TMTC1: variants seen among roughly 807,000 people sequenced by gnomAD.
TMTC1 encodes protein O-mannosyl-transferase TMTC1.
A neutral mutation model predicts 104.8 loss-of-function variants in TMTC1; 73 were observed. The ratio of observed to expected loss-of-function variants is 0.70; its 90% CI spans 0.58 to 0.85. The LOEUF is 0.85. Among genes scored for constraint, TMTC1 ranks in the 40% least tolerant of loss-of-function variants. TMTC1 has a pLI of 0.00. For missense variants in TMTC1, 1,035 were observed against 1,096.1 expected (o/e 0.94, Z 0.79); for synonymous variants, 434 against 428.7 (o/e 1.01, Z -0.15).
At chr12:29,710,731 A>G (rs1264157312) in intron 5 of TMTC1, among the ~76,000 whole-genome samples, 1 of 137,182 alleles carries the variant, frequency 7.3e-6, no homozygotes, top group Non-Finnish European at 1.5e-5. Context: ...ATATATTATT[A>G]AACGTATTTA....
intron 9 of TMTC1, among the ~76,000 whole-genome samples, chr12:29,564,659 G>A (rs1381857484): frequency 1.3e-5 from 2 of 152,102 alleles, no homozygotes; most frequent in African/African-American, 2.4e-5. Context: ...ATGTAGTTGA[G>A]TAATGAGAGA....
At chr12:29,718,279 G>A (rs1243052777) in intron 5 of TMTC1, among the ~76,000 whole-genome samples, 3 of 152,208 alleles carry the variant, frequency 2.0e-5, no homozygotes, top group African/African-American at 7.2e-5. Flanking sequence ...TCATCTGAGG[G>A]GAAGGGACAG....
rs572193174 is a variant in TMTC1, at chr12:29,751,583, T to C, written c.938+83A>G. 3.7e-5 allele frequency: 55 copies of C among 1,467,874 alleles called. No individual in the cohort carries two copies. The African/African-American group carries it at 6.8e-4, about 18-fold the overall frequency. 90.9% of individuals were successfully genotyped at this position (1,467,874 alleles called of 1,614,324 possible). The stretch of plus-strand genomic sequence containing the variant: ...AGGTCACAGTGTGCTGACTCAGTGC[T>C]TCACTTCCCCAGGCATCCCAGGCTG... On this transcript the variant is annotated intron_variant, in intron 5 of 17. Transcript: ENST00000539277.
intron 2 of TMTC1, among the ~76,000 whole-genome samples, chr12:29,762,815 G>A (rs977654692): frequency 6.6e-6 from 1 of 152,212 alleles, no homozygotes; most frequent in Non-Finnish European, 1.5e-5. Context: ...CAATGTCAAG[G>A]TTCAGCTCAG....
In TMTC1 at chr12:29,572,175, T is replaced by G; in HGVS notation, c.1462A>C (p.Asn488His). 6.2e-7 allele frequency: 1 copy of G among 1,614,020 alleles called. No homozygotes were observed. Among genetic ancestry groups the G allele is most frequent in the Non-Finnish European group, 8.5e-7 (1 of 1,179,890 alleles). ...TGGTCCTTCAGGAAATTGGCATAGT[T>G]GTAGTGAACCTTGGCATTGTGGGGC... ...TLPHNAKVHY[N>H]YANFLKDQGR... Residue 488 changes from asparagine (N) to histidine (H), a missense_variant, in exon 9 of 18, where the codon AAC (asparagine) becomes CAC (histidine). Coordinates refer to ENST00000539277, the MANE Select transcript of TMTC1 (RefSeq NM_001193451.2).
At chr12:29,515,888 T>C (rs1035514906) in intron 15 of TMTC1, among the ~76,000 whole-genome samples, 7 of 151,820 alleles carry the variant, frequency 4.6e-5, no homozygotes, top group African/African-American at 1.7e-4. Flanking sequence ...ATGGAGATAA[T>C]AACAGTTGTG....
At chr12:29,674,800 C>T (rs1197530354) in intron 5 of TMTC1, among the ~76,000 whole-genome samples, 1 of 152,202 alleles carries the variant, frequency 6.6e-6, no homozygotes, top group Non-Finnish European at 1.5e-5. Flanking sequence ...ACACCTCAAA[C>T]ATCACGCACC....
At chr12:29,575,840 G>A (rs924217208) in intron 8 of TMTC1, among the ~76,000 whole-genome samples, 2 of 152,098 alleles carry the variant, frequency 1.3e-5, no homozygotes, top group African/African-American at 4.8e-5. Flanking sequence ...CATAATGGCT[G>A]GACCAACATA....
At chr12:29,508,279 A>C (rs908462260) in intron 17 of TMTC1, among the ~76,000 whole-genome samples, 1 of 152,222 alleles carries the variant, frequency 6.6e-6, no homozygotes, top group Admixed American at 6.5e-5. Context: ...AACAAGTGGG[A>C]ACTTGCATTT....
intron 5 of TMTC1, among the ~76,000 whole-genome samples, chr12:29,662,977 C>T (rs1940104948): frequency 6.6e-6 from 1 of 152,202 alleles, no homozygotes; most frequent in South Asian, 2.1e-4. Context: ...CAACAGAGAG[C>T]TTGACAAGAA....
At chr12:29,612,083 C>A (rs929607066) in intron 6 of TMTC1, among the ~76,000 whole-genome samples, 12 of 152,156 alleles carry the variant, frequency 7.9e-5, no homozygotes, top group African/African-American at 2.9e-4. Flanking sequence ...AGCCTGTCCT[C>A]TTCCCACAGT....
chr12:29,663,341 T>C (rs571625197), intron 5 of TMTC1, among the ~76,000 whole-genome samples: 2 of 152,124 alleles, frequency 1.3e-5, no homozygotes, highest in Non-Finnish European at 2.9e-5. Context: ...TGGGGAGGGC[T>C]GGAGAAGTAA....
intron 7 of TMTC1, among the ~76,000 whole-genome samples, chr12:29,586,179 G>A (rs1946128348): frequency 6.6e-6 from 1 of 152,060 alleles, no homozygotes; most frequent in Admixed American, 6.6e-5. Context: ...GGATTCCTAG[G>A]TATTTTATTC....
At chr12:29,579,267 G>A (rs528531389) in intron 8 of TMTC1, among the ~76,000 whole-genome samples, 2 of 152,274 alleles carry the variant, frequency 1.3e-5, no homozygotes, top group East Asian at 3.9e-4. Context: ...GGTCACTAAT[G>A]TGTCCATGTG....
chr12:29,695,796 TATATATATATA>T (rs1236039221), intron 5 of TMTC1, among the ~76,000 whole-genome samples: 1 of 45,918 alleles, frequency 2.2e-5, no homozygotes, highest in African/African-American at 3.8e-4. Context: ...TTCCTTTTTA[TATATATATATA>T]TATATATATA....
intron 5 of TMTC1, among the ~76,000 whole-genome samples, chr12:29,643,527 A>ATTAT (rs1938984968): frequency 5.7e-5 from 3 of 53,076 alleles, no homozygotes; most frequent in Non-Finnish European, 1.1e-4. Flanking sequence ...ATATAATATA[A>ATTAT]AATATATAAT....
intron 9 of TMTC1, among the ~76,000 whole-genome samples, chr12:29,569,315 G>C (rs1167329364): frequency 6.6e-6 from 1 of 152,168 alleles, no homozygotes; most frequent in Non-Finnish European, 1.5e-5. Flanking sequence ...GCCAAAAAGA[G>C]ACTGGTATAG....
At chr12:29,731,022 G>T (rs1452939022) in intron 5 of TMTC1, among the ~76,000 whole-genome samples, 1 of 152,108 alleles carries the variant, frequency 6.6e-6, no homozygotes, top group African/African-American at 2.4e-5. Flanking sequence ...TCATGAATTG[G>T]AACTTGGAGG....
chr12:29,739,641 G>A (rs1942772135), intron 5 of TMTC1, among the ~76,000 whole-genome samples: 1 of 152,086 alleles, frequency 6.6e-6, no homozygotes, highest in Admixed American at 6.5e-5. Flanking sequence ...GCAGAGAACT[G>A]AACAGAGAGG....
Sources: gnomAD v4.1 joint callset for allele counts (sites outside exome capture counted in the v4.1 genomes callset) on GRCh38, gnomAD v4.1.1 for gene constraint, MANE v1.5 for transcripts, NCBI Gene and HGNC (gene_info 2026-07-23, HGNC 2026-07-21) for gene names.